SCUBE2: variants seen among roughly 807,000 people sequenced by gnomAD.
The protein encoded by SCUBE2 is signal peptide, CUB domain and EGF like domain containing 2.
In SCUBE2, 114 loss-of-function variants were observed where a neutral mutation model predicts 125.9. The observed-to-expected ratio is 0.91, with a 90% CI of 0.78 to 1.06. The LOEUF (loss-of-function observed/expected upper bound fraction) is 1.06, where lower values mean the gene tolerates loss of function less well. Among genes scored for constraint, SCUBE2 ranks in the 50% least tolerant of loss-of-function variants. SCUBE2 has a pLI of 0.00. For missense variants in SCUBE2, 1,255 were observed against 1,301.8 expected, an observed-to-expected ratio of 0.96 and a Z score of 0.55; for synonymous variants, 459 against 492.9, an observed-to-expected ratio of 0.93 and a Z score of 0.91.
At chr11:9,022,201 G>C (rs1855359115) in intron 21 of SCUBE2, among the ~76,000 whole-genome samples, 1 of 152,094 alleles carries the variant, frequency 6.6e-6, no homozygotes, top group Non-Finnish European at 1.5e-5. Flanking sequence ...TGTGCATCCA[G>C]TCCAGGCTCA....
chr11:9,033,551 G>T, intron 17 of SCUBE2, 75 bp downstream of exon 17: 1 of 1,524,196 alleles, frequency 6.6e-7, no homozygotes. Context: ...ATTGTCTGGA[G>T]TCCTTGAGAT....
At chr11:9,043,819 C>G (rs1369707794) in intron 16 of SCUBE2, among the ~76,000 whole-genome samples, 2 of 136,026 alleles carry the variant, frequency 1.5e-5, no homozygotes, top group East Asian at 2.1e-4. Context: ...TTTTTTTTTG[C>G]TTACCAGATT....
intron 16 of SCUBE2, among the ~76,000 whole-genome samples, chr11:9,036,749 C>A (rs1180032276): frequency 6.6e-6 from 1 of 152,192 alleles, no homozygotes; most frequent in Non-Finnish European, 1.5e-5. Flanking sequence ...CCAGGATGGG[C>A]TCCTGCTGCT....
intron 21 of SCUBE2, 173 bp from the exon 22 acceptor site, chr11:9,022,128 C>A: frequency 1.7e-6 from 1 of 576,784 alleles, no homozygotes; most frequent in Admixed American, 2.6e-5. Flanking sequence ...CCACCACCAC[C>A]TCTCTTCACC....
At position 9,033,760 on chromosome 11, in the gene SCUBE2, C is replaced by T. The variant is rs139233661; in HGVS notation, c.2039G>A (p.Arg680Gln). Residue 680 changes from arginine (R) to glutamine (Q), a missense_variant, in exon 17 of 23, where the codon CGA becomes CAA. By Grantham distance (43) the Arg-to-Gln change is conservative. This residue lies in a region of SCUBE2 where 515 missense variants were observed against 515.7 expected (regional missense o/e 1.00). Transcript: ENST00000649792. ...CRAGTYYDGA[R>Q]ERCILCPNGT... ...ATTTGGACATAAAATGCAGCGTTCTCGTGCTCCATCATAATAGGTCCCAGC... is the reference window on the plus strand; with the variant it reads ...ATTTGGACATAAAATGCAGCGTTCTTGTGCTCCATCATAATAGGTCCCAGC... The T allele has an allele frequency of 1.1e-5, 17 of 1,614,108 alleles. No individual in the cohort carries two copies. The South Asian group carries it at 1.1e-4, about 10-fold the overall frequency.
intron 5 of SCUBE2, among the ~76,000 whole-genome samples, chr11:9,067,788 A>G (rs906576192): frequency 6.6e-6 from 1 of 152,240 alleles, no homozygotes; most frequent in African/African-American, 2.4e-5. Flanking sequence ...AGTTAATAAC[A>G]GAACAATATT....
chr11:9,090,184 T>C, intron 1 of SCUBE2: 1 of 180,070 alleles, frequency 5.6e-6, no homozygotes, highest in Non-Finnish European at 1.2e-5. Flanking sequence ...TTTTCCTTCC[T>C]CTCTCTCCAC....
chr11:9,048,306 A>C (rs1858010688), intron 14 of SCUBE2, among the ~76,000 whole-genome samples: 4 of 152,206 alleles, frequency 2.6e-5, no homozygotes, highest in Admixed American at 1.3e-4. Context: ...ATAACTTTAC[A>C]ATTTAGCTCT....
At chr11:9,066,311 C>T (rs934056047) in intron 6 of SCUBE2, among the ~76,000 whole-genome samples, 5 of 152,224 alleles carry the variant, frequency 3.3e-5, no homozygotes, top group African/African-American at 1.2e-4. Context: ...TAGTGAAGGA[C>T]ACACCGTGAA....
chr11:9,074,568 C>G lies in SCUBE2; in HGVS notation c.430G>C (p.Val144Leu). ...CACTCATAGCTCCCCATGACGTTGA[C>G]ACAGGTATGCTGGCAGCCGCCATTG... ...ENNGGCQHTC[V>L]NVMGSYECCC... is the part of the protein sequence containing the mutation. Residue 144 changes from valine to leucine, a missense_variant, in exon 4 of 23, where the codon GTC (valine) becomes CTC (leucine). Transcript: ENST00000649792. The G allele has an allele frequency of 6.2e-7, 1 of 1,614,238 alleles. No individual in the cohort carries two copies. The highest frequency in any genetic ancestry group is 8.5e-7 in the Non-Finnish European group (1 of 1,180,042).
At chr11:9,069,110 C>T (rs1860527014) in intron 5 of SCUBE2, among the ~76,000 whole-genome samples, 1 of 152,218 alleles carries the variant, frequency 6.6e-6, no homozygotes, top group South Asian at 2.1e-4. Context: ...ACAGGGAGAA[C>T]TGCCCCCCAA....
At chr11:9,089,924 C>T (rs1034377830) in intron 1 of SCUBE2, 95 bp from the exon 2 acceptor site, 49 of 1,457,222 alleles carry the variant, frequency 3.4e-5, no homozygotes, top group Middle Eastern at 2.4e-4. Flanking sequence ...CAGCCCACCC[C>T]GCTTCACTCC....
At chr11:9,063,211 A>T (rs568789478) in intron 7 of SCUBE2, among the ~76,000 whole-genome samples, 1 of 152,260 alleles carries the variant, frequency 6.6e-6, no homozygotes, top group South Asian at 2.1e-4. Context: ...GCACCACTGG[A>T]CTCCAGCCTG....
intron 16 of SCUBE2, among the ~76,000 whole-genome samples, chr11:9,034,822 A>AAAGC (rs1566174376): frequency 6.6e-6 from 1 of 151,154 alleles, no homozygotes; most frequent in Non-Finnish European, 1.5e-5. Context: ...CTCTACTGAA[A>AAAGC]AAACAAACAA....
In SCUBE2 at chr11:9,033,617, C is replaced by T; in HGVS notation, c.2173+9G>A. On this transcript the variant is annotated intron_variant, in intron 17 of 22. Transcript: ENST00000649792. Reference sequence around the variant, plus strand: ...GGGAGGAGTAGGAAGGAACAGACAGCATCCTTACCTCCACATTCAGACATA... The same window carrying T: ...GGGAGGAGTAGGAAGGAACAGACAGTATCCTTACCTCCACATTCAGACATA... 6.2e-7 allele frequency: 1 copy of T among 1,612,280 alleles called. No homozygotes were observed. Among genetic ancestry groups the T allele is most frequent in the Non-Finnish European group, 8.5e-7 (1 of 1,179,194 alleles).
At position 9,024,363 on chromosome 11, in the gene SCUBE2, A is replaced by C. The variant is rs372558298; in HGVS notation, c.2854+1339T>G. 1.2e-5 allele frequency: 16 copies of C among 1,287,380 alleles called. No individual in the cohort carries two copies. The African/African-American group carries it at 2.3e-4, about 18-fold the overall frequency. 79.7% of individuals were successfully genotyped at this position (1,287,380 alleles called of 1,614,324 possible). On this transcript the variant is annotated intron_variant, in intron 21 of 22. Transcript: ENST00000649792. ...GGGAGGCATTTGGGTCCACCCCAAG[A>C]GATACTAAAACTCCTTGTCTTGGGT...
rs1157305038 is a variant in SCUBE2, at chr11:9,053,657, C to G, written c.1310G>C (p.Trp437Ser). The G allele has an allele frequency of 1.2e-6, 2 of 1,614,066 alleles. No individual in the cohort carries two copies. The highest frequency in any genetic ancestry group is 1.7e-6 in the Non-Finnish European group (2 of 1,179,974). Residue 437 changes from tryptophan to serine, a missense_variant, in exon 11 of 23, where the codon TGG becomes TCG. Around this residue, in one of 3 missense-constraint regions of SCUBE2, gnomAD observed 378 missense variants for 463.1 expected, o/e 0.82. Transcript: ENST00000649792. The stretch of plus-strand genomic sequence containing the variant: ...CTTACCCACACAGTCTTTTTTATTC[C>G]AGTGGAGCTTGTACCCAGGGTGGCA... ...CQCHPGYKLHWNKKDCVEVKG... is the reference protein window; with the variant it reads ...CQCHPGYKLHSNKKDCVEVKG...
chr11:9,025,300 T>C (rs1855629454), intron 21 of SCUBE2, among the ~76,000 whole-genome samples: 1 of 152,236 alleles, frequency 6.6e-6, no homozygotes, highest in Admixed American at 6.5e-5. Context: ...AATTGCTATG[T>C]GCCAGGCACT....
Position 9,025,734 on chromosome 11 carries a change from C to G in SCUBE2, c.2822G>C (p.Arg941Thr), listed in dbSNP as rs1239427993. ...QFKSNEGNSA[R>T]GFQVPYVTYD... ...TGTCACGTATGGGACCTGGAACCCTCTAGCGCTGTTCCCTTCATTGGACTT... is the reference window on the plus strand; with the variant it reads ...TGTCACGTATGGGACCTGGAACCCTGTAGCGCTGTTCCCTTCATTGGACTT... Residue 941 changes from arginine to threonine, a missense_variant, in exon 21 of 23, where the codon AGA (arginine) becomes ACA (threonine). Coordinates refer to ENST00000649792, the MANE Select transcript of SCUBE2 (RefSeq NM_001367977.2). 1 of 1,614,202 alleles carries G rather than the reference C, an allele frequency of 6.2e-7. No homozygotes were observed. Among genetic ancestry groups the G allele is most frequent in the East Asian group, 2.2e-5 (1 of 44,878 alleles).
Sources: allele counts gnomAD v4.1 joint callset (sites outside exome capture counted in the v4.1 genomes callset), GRCh38; gene constraint gnomAD v4.1.1; regional missense constraint gnomAD v4.1.1; transcripts MANE v1.5; gene names NCBI Gene and HGNC (gene_info 2026-07-23, HGNC 2026-07-21).